SLCO1B1: variants seen among roughly 807,000 people sequenced by gnomAD.
SLCO1B1 encodes the protein solute carrier organic anion transporter family member 1B1.
A neutral mutation model predicts 70.1 loss-of-function variants in SLCO1B1; 81 were observed. That is an observed-to-expected ratio of 1.16 (90% confidence interval 0.97 to 1.39). SLCO1B1 has a LOEUF of 1.39. Ranked by LOEUF, SLCO1B1 falls within the 40% of genes most tolerant of loss-of-function variation. SLCO1B1 has a pLI of 0.00. For missense variants in SLCO1B1, 895 were observed against 799.6 expected (o/e 1.12, Z -1.44); for synonymous variants, 283 against 271.5 (o/e 1.04, Z -0.42).
intron 11 of SLCO1B1, among the ~76,000 whole-genome samples, chr12:21,215,267 A>G (rs2121176155): frequency 6.6e-6 from 1 of 152,320 alleles, no homozygotes; most frequent in South Asian, 2.1e-4. Context: ...GTTCTTAAGA[A>G]GAATGCTTCC....
chr12:21,186,334 GGTT>G (rs1940961270), intron 7 of SLCO1B1, among the ~76,000 whole-genome samples: 1 of 152,076 alleles, frequency 6.6e-6, no homozygotes, highest in African/African-American at 2.4e-5. Context: ...GTAGTAATAA[GGTT>G]GTGTTGAAAG....
At chr12:21,234,224 C>T (rs1941573120) in intron 14 of SLCO1B1, among the ~76,000 whole-genome samples, 1 of 151,820 alleles carries the variant, frequency 6.6e-6, no homozygotes, top group African/African-American at 2.4e-5. Flanking sequence ...GAGTCACTTC[C>T]TGGGAGGGGG....
intron 11 of SLCO1B1, among the ~76,000 whole-genome samples, chr12:21,214,714 G>C (rs1941336569): frequency 6.6e-6 from 1 of 152,128 alleles, no homozygotes; most frequent in Non-Finnish European, 1.5e-5. Context: ...CAATCAGCGA[G>C]ACTCCATGGG....
chr12:21,215,971 A>G (rs1245256266), intron 11 of SLCO1B1, among the ~76,000 whole-genome samples: 1 of 152,130 alleles, frequency 6.6e-6, no homozygotes, highest in Admixed American at 6.5e-5. Context: ...TGGTTGGATA[A>G]GAATGACCCA....
At chr12:21,225,064 G>C (rs981953781) in intron 14 of SLCO1B1, among the ~76,000 whole-genome samples, 1 of 151,976 alleles carries the variant, frequency 6.6e-6, no homozygotes, top group South Asian at 2.1e-4. Context: ...AAGAAACTGT[G>C]ATTCAAGGAT....
intron 11 of SLCO1B1, among the ~76,000 whole-genome samples, chr12:21,208,654 CA>C (rs1269442408): frequency 1.3e-5 from 2 of 151,990 alleles, no homozygotes; most frequent in South Asian, 4.1e-4. Context: ...TATTCTAATT[CA>C]GTGAAAAATC....
intron 1 of SLCO1B1, among the ~76,000 whole-genome samples, chr12:21,139,882 G>A (rs147040540): frequency 5.9e-5 from 9 of 152,028 alleles, no homozygotes; most frequent in South Asian, 4.1e-4. Flanking sequence ...TGAATGTTTC[G>A]AATGGGCCCC....
intron 7 of SLCO1B1, among the ~76,000 whole-genome samples, chr12:21,196,335 C>T (rs1295530354): frequency 1.3e-5 from 2 of 152,040 alleles, no homozygotes; most frequent in Non-Finnish European, 2.9e-5. Flanking sequence ...ACATAATACT[C>T]TTATTCATGA....
intron 9 of SLCO1B1, among the ~76,000 whole-genome samples, chr12:21,202,213 G>T (rs1226687680): frequency 3.3e-5 from 5 of 152,066 alleles, no homozygotes; most frequent in African/African-American, 1.2e-4. Flanking sequence ...CTGTTGAGGG[G>T]TGGGAAGCAA....
chr12:21,215,873 T>A (rs941913001), intron 11 of SLCO1B1, among the ~76,000 whole-genome samples: 1 of 152,186 alleles, frequency 6.6e-6, no homozygotes, highest in Admixed American at 6.5e-5. Flanking sequence ...TTTTCAGTAC[T>A]GATTCAAATT....
chr12:21,188,701 C>G (rs977029852), intron 7 of SLCO1B1, among the ~76,000 whole-genome samples: 27 of 152,112 alleles, frequency 1.8e-4, no homozygotes, highest in African/African-American at 6.0e-4. Flanking sequence ...TACCTCCCCC[C>G]TCTCTTCTTC....
chr12:21,232,148 A>T (rs553337624), intron 14 of SLCO1B1, among the ~76,000 whole-genome samples: 15 of 152,322 alleles, frequency 9.8e-5, no homozygotes, highest in Non-Finnish European at 1.5e-4. Flanking sequence ...CAAGAATATC[A>T]AATCAGAAAG....
intron 12 of SLCO1B1, among the ~76,000 whole-genome samples, chr12:21,221,119 A>G (rs1350200282): frequency 1.3e-5 from 2 of 152,190 alleles, no homozygotes; most frequent in Non-Finnish European, 2.9e-5. Flanking sequence ...AACATCTTTC[A>G]TGACAAAAAT....
chr12:21,168,026 T>C (rs1940710133), intron 2 of SLCO1B1, among the ~76,000 whole-genome samples: 1 of 151,846 alleles, frequency 6.6e-6, no homozygotes. Flanking sequence ...TTTCACTATG[T>C]TGGCTAGGCT....
At chr12:21,183,823 G>C (rs183260881) in intron 7 of SLCO1B1, among the ~76,000 whole-genome samples, 104 of 152,210 alleles carry the variant, frequency 6.8e-4, no homozygotes, top group African/African-American at 2.5e-3. Flanking sequence ...ATTCAGGAAA[G>C]TGCTGAAACA....
At position 21,206,042 on chromosome 12, in the gene SLCO1B1, T is replaced by C; in HGVS notation, c.1497+9T>C. On this transcript the variant is annotated intron_variant, in intron 11 of 14. Transcript: ENST00000256958. ...GCAATAAAAAGCCTATAGTGAGTATTAGTTTTTACTTTCCTCTCCTTATTC... is the reference window on the plus strand; with the variant it reads ...GCAATAAAAAGCCTATAGTGAGTATCAGTTTTTACTTTCCTCTCCTTATTC... The C allele has an allele frequency of 1.0e-5, 16 of 1,607,308 alleles. No homozygotes were observed. Among genetic ancestry groups the C allele is most frequent in the African/African-American group, 1.3e-5 (1 of 74,818 alleles).
intron 11 of SLCO1B1, among the ~76,000 whole-genome samples, chr12:21,210,997 C>G (rs976373183): frequency 5.3e-5 from 8 of 152,116 alleles, no homozygotes; most frequent in African/African-American, 9.7e-5. Flanking sequence ...ACAATCATGT[C>G]ATCTGCAAAC....
At chr12:21,214,328 G>T (rs868521659) in intron 11 of SLCO1B1, among the ~76,000 whole-genome samples, 11 of 151,224 alleles carry the variant, frequency 7.3e-5, no homozygotes, top group Admixed American at 2.6e-4. Context: ...GCCGTGTGAG[G>T]TGTCAGTGTG....
At chr12:21,168,023 A>G (rs1164850244) in intron 2 of SLCO1B1, among the ~76,000 whole-genome samples, 2 of 151,054 alleles carry the variant, frequency 1.3e-5, no homozygotes, top group Non-Finnish European at 2.9e-5. Flanking sequence ...GGGTTTCACT[A>G]TGTTGGCTAG....
Sources: gnomAD v4.1 joint callset for allele counts (sites outside exome capture counted in the v4.1 genomes callset) on GRCh38, gnomAD v4.1.1 for gene constraint, MANE v1.5 for transcripts, NCBI Gene and HGNC (gene_info 2026-07-23, HGNC 2026-07-21) for gene names.